HGFAC: variants seen among roughly 807,000 people sequenced by gnomAD.
The protein encoded by HGFAC is HGF activator.
In HGFAC, 76 loss-of-function variants were observed where a neutral mutation model predicts 70.6. That is an observed-to-expected ratio of 1.08 (90% CI 0.89 to 1.30). The LOEUF (loss-of-function observed/expected upper bound fraction) is 1.30, where lower values mean the gene tolerates loss of function less well. HGFAC is among the 50% of genes most tolerant of loss of function. The pLI is 0.00. For synonymous variants in HGFAC, 464 were observed against 405.3 expected (o/e 1.14, Z -1.74); for missense variants, 1,044 against 933.7 (o/e 1.12, Z -1.54).
chr4:3,448,847 C>T (rs1725625163), intron 13 of HGFAC, among the ~76,000 whole-genome samples: 1 of 152,184 alleles, frequency 6.6e-6, no homozygotes, highest in Admixed American at 6.5e-5. Context: ...GGGCTTGTCA[C>T]TGGACCTCGA....
chr4:3,449,208 G>C (rs750622833), intron 13 of HGFAC, 29 bp from the exon 14 acceptor site: 3 of 1,598,674 alleles, frequency 1.9e-6, no homozygotes, highest in Non-Finnish European at 2.6e-6. Flanking sequence ...GCCCCTGGGA[G>C]GGTGGCTCTG....
chr4:3,445,982 T>C lies in HGFAC; in HGVS notation c.1103-60T>C, dbSNP rs928217589. ...CGCCTCCTGCCGGGTAGGGCCTGTG[T>C]GTGGAAGGGGGCTGGCCCTGTGAAC... On this transcript the variant is annotated intron_variant, in intron 9 of 13. Transcript: ENST00000382774. 4.4e-6 allele frequency: 7 copies of C among 1,594,640 alleles called. No individual in the cohort carries two copies. In the Admixed American group the frequency reaches 1.2e-4, roughly 27 times the overall value.
Position 3,443,278 on chromosome 4 carries a change from G to A in HGFAC, c.396-63G>A, listed in dbSNP as rs547757955. The A allele has an allele frequency of 7.1e-6, 10 of 1,413,314 alleles. No individual in the cohort carries two copies. The South Asian group carries it at 1.1e-4, about 15-fold the overall frequency. The allele number at this position is 1,413,314 out of a possible 1,614,324, so 87.5% of individuals were successfully genotyped here. ...CCAGTGAACCCAGAGACCCTCCAGGGTGGTGGGGTGGGGTGGGGGGCCTCT... is the reference window on the plus strand; with the variant it reads ...CCAGTGAACCCAGAGACCCTCCAGGATGGTGGGGTGGGGTGGGGGGCCTCT... On this transcript the variant is annotated intron_variant, in intron 3 of 13. Transcript: ENST00000382774.
Position 3,443,403 on chromosome 4 carries a change from C to T in HGFAC, c.458C>T (p.Pro153Leu), listed in dbSNP as rs570074246. 33 of 1,480,352 alleles carry T rather than the reference C, an allele frequency of 2.2e-5. No homozygotes were observed. Among genetic ancestry groups the T allele is most frequent in the African/African-American group, 1.3e-4 (9 of 69,844 alleles). 91.7% of individuals were successfully genotyped at this position (1,480,352 alleles called of 1,614,324 possible). A position where few individuals can be genotyped will look rare whatever the true frequency, so the allele number is the denominator to read the frequency against. The stretch of plus-strand genomic sequence containing the variant: ...TGGGGCTACTGTGTGGAGGCCACCC[C>T]GCCTCCAGGGGGCCCAGGTGGGTGC... Reference protein sequence around the residue: ...RAWGYCVEATPPPGGPAALDP... With the variant: ...RAWGYCVEATLPPGGPAALDP... The change falls in exon 4 of 14, where the codon CCG becomes CTG. Residue 153 changes from proline (P) to leucine (L), a missense_variant. By Grantham distance (98) the Pro-to-Leu change is moderately conservative (BLOSUM62 -3). Transcript: ENST00000382774.
Position 3,444,169 on chromosome 4 carries a change from G to T in HGFAC, c.598+8G>T, listed in dbSNP as rs753274559. On this transcript the variant is annotated splice_region_variant and intron_variant, in intron 5 of 13. Transcript: ENST00000382774. ...GCAAGGACTGCGGCACAGGTGAGCT[G>T]GGCCTCGGAGGTCCGCAGGGGTCCA... 11 of 1,591,336 alleles carry T rather than the reference G, an allele frequency of 6.9e-6. No homozygotes were observed. The highest frequency in any genetic ancestry group is 2.3e-5 in the South Asian group (2 of 87,950).
Position 3,443,094 on chromosome 4 carries a change from G to T in HGFAC, c.343G>T (p.Gly115Trp). ...GRPCRFPFRY[G>W]GRMLHACTSE... ...GCCCTGCAGGTTCCCCTTCCGCTACGGGGGCCGCATGCTGCATGCCTGCAC... is the reference window on the plus strand; with the variant it reads ...GCCCTGCAGGTTCCCCTTCCGCTACTGGGGCCGCATGCTGCATGCCTGCAC... Residue 115 changes from glycine to tryptophan, a missense_variant, in exon 3 of 14, where the codon GGG (glycine) becomes TGG (tryptophan). Gly to Trp is a radical substitution (Grantham distance 184). Transcript: ENST00000382774. The T allele has an allele frequency of 1.3e-6, 2 of 1,598,018 alleles. No homozygotes were observed. Among genetic ancestry groups the T allele is most frequent in the Non-Finnish European group, 8.5e-7 (1 of 1,177,674 alleles).
intron 8 of HGFAC, 38 bp from the exon 9 acceptor site, chr4:3,445,227 A>G (rs1725460115): frequency 6.7e-7 from 1 of 1,497,252 alleles, no homozygotes; most frequent in Non-Finnish European, 9.1e-7. Context: ...TTCGAGGGGC[A>G]GTGTGACTCC....
chr4:3,446,196 C>T lies in HGFAC; in HGVS notation c.1257C>T (p.His419=). The stretch of plus-strand genomic sequence containing the variant: ...GCTCCTCCTCGCTGCCCGGCTCGCA[C>T]CCCTGGCTGGCCGCCATCTACATCG... ...IGGSSSLPGS[H]PWLAAIYIGD... is the part of the protein sequence containing the mutation. Residue 419 remains histidine (H), a synonymous_variant, in exon 10 of 14, where the codon CAC becomes CAT. Transcript: ENST00000382774. 1 of 1,611,228 alleles carries T rather than the reference C, an allele frequency of 6.2e-7. No individual in the cohort carries two copies. Among genetic ancestry groups the T allele is most frequent in the South Asian group, 1.1e-5 (1 of 90,790 alleles).
rs757911660 is a variant in HGFAC at position 3,446,145 on chromosome 4, G to C, written c.1206G>C (p.Thr402=). 3 of 1,611,732 alleles carry C rather than the reference G, an allele frequency of 1.9e-6. No homozygotes were observed. The highest frequency in any genetic ancestry group is 3.3e-5 in the Admixed American group (2 of 59,922). ...QACGRRHKKR[T]FLRPRIIGGS... is the part of the protein sequence containing the mutation. The stretch of plus-strand genomic sequence containing the variant: ...GCGGCAGGAGGCACAAGAAGAGGAC[G>C]TTCCTGCGGCCACGTATCATCGGCG... Residue 402 remains threonine, a synonymous_variant, in exon 10 of 14, where the codon ACG becomes ACC. Transcript: ENST00000382774.
chr4:3,442,122 A>G lies in HGFAC; in HGVS notation c.117+4A>G. 6.4e-7 allele frequency: 1 copy of G among 1,552,966 alleles called. No homozygotes were observed. The stretch of plus-strand genomic sequence containing the variant: ...GTTCCAGCCCCAGCCTGGCGGGGTG[A>G]GCACTGACCTTGTCGCAGTGCGACC... On this transcript the variant is annotated splice_donor_region_variant and intron_variant, in intron 1 of 13. Transcript: ENST00000382774.
At position 3,447,631 on chromosome 4, in the gene HGFAC, G is replaced by GGTGA. The variant is rs758675316; in HGVS notation, c.1495+2_1495+5dup. Reference sequence around the variant, plus strand: ...GTTCAACCCCAGCGACCACGACCTCGGTGAGCTCCGGCGTGTCGTGGCTGC... The same window carrying GGTGA: ...GTTCAACCCCAGCGACCACGACCTCGGTGAGTGAGCTCCGGCGTGTCGTGGCTGC... On this transcript the variant is annotated frameshift_variant and splice_region_variant. Coordinates refer to ENST00000382774, the MANE Select transcript of HGFAC (RefSeq NM_001528.4). LOFTEE classifies it high-confidence loss of function. 1.4e-5 allele frequency: 22 copies of GGTGA among 1,612,410 alleles called. No individual in the cohort carries two copies. Among genetic ancestry groups the GGTGA allele is most frequent in the African/African-American group, 2.7e-5 (2 of 74,938 alleles).
rs1224271595 is a variant in HGFAC, at chr4:3,447,394, C to A, written c.1356-98C>A. On this transcript the variant is annotated intron_variant, in intron 10 of 13. Transcript: ENST00000382774. ...ACCCCTCCCCGGGACCAGGGTCCCA[C>A]ACCATTGGCCTCCGTGGGCCTGACA... 3.5e-6 allele frequency: 5 copies of A among 1,416,320 alleles called. No homozygotes were observed. The Admixed American group carries it at 5.3e-5, about 15-fold the overall frequency. The allele number at this position is 1,416,320 out of a possible 1,614,324, so 87.7% of individuals were successfully genotyped here. A position where few individuals can be genotyped will look rare whatever the true frequency, so the allele number is the denominator to read the frequency against.
At position 3,446,193 on chromosome 4, in the gene HGFAC, G is replaced by T. The variant is rs755526214; in HGVS notation, c.1254G>T (p.Ser418=). 2.5e-6 allele frequency: 4 copies of T among 1,610,824 alleles called. No individual in the cohort carries two copies. The highest frequency in any genetic ancestry group is 2.5e-6 in the Non-Finnish European group (3 of 1,179,360). Residue 418 remains serine, a synonymous_variant, in exon 10 of 14, where the codon TCG becomes TCT. Coordinates refer to ENST00000382774, the MANE Select transcript of HGFAC (RefSeq NM_001528.4). ...IIGGSSSLPG[S]HPWLAAIYIG... Reference sequence around the variant, plus strand: ...GCGGCTCCTCCTCGCTGCCCGGCTCGCACCCCTGGCTGGCCGCCATCTACA... The same window carrying T: ...GCGGCTCCTCCTCGCTGCCCGGCTCTCACCCCTGGCTGGCCGCCATCTACA...
chr4:3,442,810 G>A lies in HGFAC; in HGVS notation c.196G>A (p.Glu66Lys). 6.3e-7 allele frequency: 1 copy of A among 1,591,312 alleles called. No homozygotes were observed. Among genetic ancestry groups the A allele is most frequent in the South Asian group, 1.1e-5 (1 of 88,226 alleles). The change falls in exon 2 of 14, where the codon GAG becomes AAG. Residue 66 changes from glutamate to lysine, a missense_variant. Coordinates refer to ENST00000382774, the MANE Select transcript of HGFAC (RefSeq NM_001528.4). ...PTILVTSVTS[E>K]TPATSAPEAE... ...TATCCTGGTGACCTCTGTGACCTCTGAGACCCCAGCAACAAGTGCTCCAGA... is the reference window on the plus strand; with the variant it reads ...TATCCTGGTGACCTCTGTGACCTCTAAGACCCCAGCAACAAGTGCTCCAGA...
chr4:3,447,373 C>T (rs987586638), intron 10 of HGFAC, 119 bp from the exon 11 acceptor site: 1 of 1,161,594 alleles, frequency 8.6e-7, no homozygotes, highest in Non-Finnish European at 1.2e-6. Context: ...GCTCAGACCC[C>T]TCCCCGGGAC....
chr4:3,447,381 G>A, intron 10 of HGFAC, 111 bp from the exon 11 acceptor site: 5 of 1,267,760 alleles, frequency 3.9e-6, no homozygotes, highest in Admixed American at 1.9e-5. Context: ...CCCTCCCCGG[G>A]ACCAGGGTCC....
intron 13 of HGFAC, 108 bp downstream of exon 13, chr4:3,448,384 C>A (rs970300250): frequency 1.5e-6 from 2 of 1,344,766 alleles, no homozygotes; most frequent in South Asian, 1.4e-5. Flanking sequence ...GCACCCCAAC[C>A]TGGCAGGGCC....
chr4:3,449,012 AG>A (rs911313802), intron 13 of HGFAC, among the ~76,000 whole-genome samples: 2 of 151,972 alleles, frequency 1.3e-5, no homozygotes, highest in Admixed American at 1.3e-4. Context: ...TGGTGGGGAG[AG>A]GGGGACCGTG....
intron 1 of HGFAC, 77 bp downstream of exon 1, chr4:3,442,195 A>G: frequency 8.9e-7 from 1 of 1,129,266 alleles, no homozygotes; most frequent in Non-Finnish European, 1.3e-6. Flanking sequence ...GGCCAGAGGG[A>G]GGGTCGCCAC....
Sources: allele counts gnomAD v4.1 joint callset (sites outside exome capture counted in the v4.1 genomes callset), GRCh38; gene constraint gnomAD v4.1.1; transcripts MANE v1.5; gene names NCBI Gene and HGNC (gene_info 2026-07-23, HGNC 2026-07-21).